MMS19: variants seen among roughly 807,000 people sequenced by gnomAD.
The protein encoded by MMS19 is MMS19 nucleotide excision repair protein homolog.
Under a neutral mutation model 129.8 loss-of-function variants are expected in MMS19, and 77 were observed. The observed-to-expected ratio is 0.59, with a 90% CI of 0.49 to 0.72. The LOEUF (loss-of-function observed/expected upper bound fraction) is 0.72, where lower values mean the gene tolerates loss of function less well. MMS19 is among the 30% of genes least tolerant of loss of function. The pLI, the probability that MMS19 is intolerant of heterozygous loss-of-function variation, is 0.00. For missense variants in MMS19, 1,168 were observed against 1,266.3 expected (o/e 0.92, Z 1.18); for synonymous variants, 491 against 502.8 (o/e 0.98, Z 0.31).
Position 97,477,951 on chromosome 10 carries a change from G to T in MMS19, c.349-22C>A, listed in dbSNP as rs200275011. The T allele has an allele frequency of 7.2e-6, 11 of 1,537,522 alleles. No homozygotes were observed. In the East Asian group the frequency reaches 2.3e-4, roughly 32 times the overall value. On this transcript the variant is annotated intron_variant, in intron 4 of 30. Coordinates refer to ENST00000438925, the MANE Select transcript of MMS19 (RefSeq NM_022362.5). ...GGCTCTGGGGGAGAGGAGAAGGTAC[G>T]TGAATACCGAAGGAATTGCAGCATG...
At chr10:97,491,595 G>A (rs937549490) in intron 1 of MMS19, among the ~76,000 whole-genome samples, 6 of 152,242 alleles carry the variant, frequency 3.9e-5, no homozygotes, top group African/African-American at 1.2e-4. Context: ...AACCTGGGAG[G>A]CAGAGGTTGC....
chr10:97,497,452 TTAGA>T (rs2040003145), intron 1 of MMS19, among the ~76,000 whole-genome samples: 6 of 152,136 alleles, frequency 3.9e-5, no homozygotes, highest in Admixed American at 6.5e-5. Context: ...AAACTACTCA[TTAGA>T]TAATTTTATA....
intron 1 of MMS19, among the ~76,000 whole-genome samples, chr10:97,496,144 TG>T (rs2039736154): frequency 6.6e-6 from 1 of 152,224 alleles, no homozygotes; most frequent in Non-Finnish European, 1.5e-5. Context: ...TTAAATCAGT[TG>T]AGTTGAATTC....
At chr10:97,459,333 T>G (rs1436543171) in intron 28 of MMS19, 29 bp downstream of exon 28, 2 of 1,610,782 alleles carry the variant, frequency 1.2e-6, no homozygotes, top group South Asian at 2.2e-5. Flanking sequence ...GAGATGCTGG[T>G]GCCTAAGAGT....
In MMS19 at chr10:97,461,586, G is replaced by A. The variant is rs1410642366; in HGVS notation, c.2221C>T (p.Leu741Phe). ...IPQLNQLMRE[L>F]LELSCCHSCP... ...CTGTGGCAGCAGCTCAGTTCCAAAAGCTCCCGCATGAGTTGGTTCAGCTGA... is the reference window on the plus strand; with the variant it reads ...CTGTGGCAGCAGCTCAGTTCCAAAAACTCCCGCATGAGTTGGTTCAGCTGA... The change falls in exon 23 of 31, where the codon CTT (leucine) becomes TTT (phenylalanine). Residue 741 changes from leucine to phenylalanine, a missense_variant. Leu to Phe is a conservative substitution (Grantham distance 22, BLOSUM62 0). This residue lies in a region of MMS19 where 831 missense variants were observed against 910.8 expected (regional missense o/e 0.91). Transcript: ENST00000438925. The A allele has an allele frequency of 3.7e-6, 6 of 1,600,508 alleles. No homozygotes were observed. In the Admixed American group the frequency reaches 8.6e-5, roughly 23 times the overall value.
chr10:97,468,000 G>C (rs578203107), intron 13 of MMS19, among the ~76,000 whole-genome samples: 162 of 151,104 alleles, frequency 1.1e-3, no homozygotes, highest in African/African-American at 3.8e-3. Context: ...TTTTTTTTTA[G>C]AGATGGGATC....
At chr10:97,486,896 A>ATATATATATATATATATAT (rs2037998828) in intron 1 of MMS19, among the ~76,000 whole-genome samples, 2 of 54,576 alleles carry the variant, frequency 3.7e-5, no homozygotes, top group Non-Finnish European at 9.8e-5. Context: ...TATATATATA[A>ATATATATATATATATATAT]AATTAAGACA....
At chr10:97,480,533 G>A (rs1235290371) in intron 3 of MMS19, among the ~76,000 whole-genome samples, 2 of 152,030 alleles carry the variant, frequency 1.3e-5, no homozygotes, top group Non-Finnish European at 2.9e-5. Flanking sequence ...TCATTTTACG[G>A]AGTGGGAAAA....
rs1020130505 is a variant in MMS19, at chr10:97,468,418, G to A, written c.1064-12C>T. On this transcript the variant is annotated splice_polypyrimidine_tract_variant and intron_variant, in intron 12 of 30. Coordinates refer to ENST00000438925, the MANE Select transcript of MMS19 (RefSeq NM_022362.5). ...GTGGTGCCTGCAGTCTAGAGAAGCAGCACATCACAGAGCTGGGGAGGAGGC... is the reference window on the plus strand; with the variant it reads ...GTGGTGCCTGCAGTCTAGAGAAGCAACACATCACAGAGCTGGGGAGGAGGC... 2 of 1,591,906 alleles carry A rather than the reference G, an allele frequency of 1.3e-6. No homozygotes were observed. Among genetic ancestry groups the A allele is most frequent in the Admixed American group, 3.4e-5 (2 of 58,656 alleles).
intron 5 of MMS19, 146 bp downstream of exon 5, chr10:97,477,709 T>C (rs571367865): frequency 7.4e-6 from 5 of 672,902 alleles, no homozygotes; most frequent in East Asian, 2.7e-5. Context: ...AAGATGAGCA[T>C]ATAAACATAC....
intron 29 of MMS19, 71 bp from the exon 30 acceptor site, chr10:97,458,971 T>C (rs2133266597): frequency 6.9e-7 from 1 of 1,447,616 alleles, no homozygotes; most frequent in South Asian, 1.2e-5. Flanking sequence ...TTTGATTCTG[T>C]ACAACTAATA....
rs762036400 is a variant in MMS19 at position 97,461,474 on chromosome 10, T to C, written c.2311+22A>G. 11 of 1,605,688 alleles carry C rather than the reference T, an allele frequency of 6.9e-6. No individual in the cohort carries two copies. In the East Asian group the frequency reaches 2.5e-4, roughly 36 times the overall value. On this transcript the variant is annotated intron_variant, in intron 23 of 30. Transcript: ENST00000438925. ...TGGGTAGTTGATTCTGGGAGGCTCC[T>C]TACATAGTCTGATCTCAGTACCTGC...
chr10:97,459,518 G>A lies in MMS19; in HGVS notation c.2748C>T (p.Ser916=). The A allele has an allele frequency of 1.2e-6, 2 of 1,612,492 alleles. No individual in the cohort carries two copies. The highest frequency in any genetic ancestry group is 1.7e-6 in the Non-Finnish European group (2 of 1,178,920). Residue 916 remains serine, a synonymous_variant, in exon 28 of 31, where the codon TCC becomes TCT. Coordinates refer to ENST00000438925, the MANE Select transcript of MMS19 (RefSeq NM_022362.5). ...GGCAGGACAGGGCCTCCAGCAGCAA[G>A]GAAAGAAGCTAAGGGGCAATGGGCA... The part of the protein sequence containing the change: ...VLLPELPTLL[S]LLLEALSCPD...
intron 18 of MMS19, among the ~76,000 whole-genome samples, chr10:97,465,020 CTTTTTT>C (rs2033118017): frequency 6.8e-6 from 1 of 146,966 alleles, no homozygotes; most frequent in African/African-American, 2.5e-5. Context: ...TTTTTTTTTT[CTTTTTT>C]GAGATGGAGT....
intron 3 of MMS19, chr10:97,480,142 GC>G (rs1223531317): frequency 2.7e-6 from 1 of 371,000 alleles, no homozygotes; most frequent in African/African-American, 2.1e-5. Flanking sequence ...AGGAGGGCCA[GC>G]TTTTTTGCCG....
At chr10:97,472,886 C>T (rs1564653447) in intron 8 of MMS19, among the ~76,000 whole-genome samples, 2 of 152,052 alleles carry the variant, frequency 1.3e-5, no homozygotes, top group African/African-American at 2.4e-5. Context: ...GGATTACAAG[C>T]GTCAGTTACT....
intron 18 of MMS19, among the ~76,000 whole-genome samples, chr10:97,464,927 CT>C (rs1254604802): frequency 6.6e-6 from 1 of 152,128 alleles, no homozygotes; most frequent in Non-Finnish European, 1.5e-5. Context: ...AGGTCTCAAA[CT>C]CTTGAGCTCA....
At position 97,461,885 on chromosome 10, in the gene MMS19, T is replaced by C. The variant is rs774487792; in HGVS notation, c.2127A>G (p.Ser709=). 8 of 1,605,222 alleles carry C rather than the reference T, an allele frequency of 5.0e-6. 1 individual carries two copies. Among genetic ancestry groups the C allele is most frequent in the African/African-American group, 4.0e-5 (3 of 74,742 alleles). The change falls in exon 22 of 31, where the codon TCA becomes TCG. Residue 709 remains serine (S), a synonymous_variant. Transcript: ENST00000438925. ...GCAGTGCAATCAGCCGCCTCTGCCC[T>C]GAGGAGCCATCCTATAAAGGAAGGA... ...SRFQPFQDGS[S]GQRRLIALLM... is the part of the protein sequence containing the mutation.
Position 97,461,915 on chromosome 10 carries a change from C to T in MMS19, c.2116-19G>A, listed in dbSNP as rs760497901. On this transcript the variant is annotated intron_variant, in intron 21 of 30. Coordinates refer to ENST00000438925, the MANE Select transcript of MMS19 (RefSeq NM_022362.5). ...AGCCATCCTATAAAGGAAGGAGAGC[C>T]CGATCAAGCCTGCCAGCAATAAGCT... is the stretch of plus-strand genomic sequence containing the variant. The T allele has an allele frequency of 1.9e-6, 3 of 1,594,136 alleles. No homozygotes were observed. The African/African-American group carries it at 4.0e-5, about 21-fold the overall frequency.
Sources: gnomAD v4.1 joint callset for allele counts (sites outside exome capture counted in the v4.1 genomes callset) on GRCh38, gnomAD v4.1.1 for gene constraint, gnomAD v4.1.1 regional missense constraint, MANE v1.5 for transcripts, NCBI Gene and HGNC (gene_info 2026-07-23, HGNC 2026-07-21) for gene names.